Variants in KIRREL2 observed in about 807,000 individuals in gnomAD.
KIRREL2 encodes the protein kirre like nephrin family adhesion molecule 2.
Under a neutral mutation model 73.4 loss-of-function variants are expected in KIRREL2, and 56 were observed. The observed-to-expected ratio is 0.76, with a 90% CI of 0.62 to 0.95. The LOEUF is 0.95. Ranked by LOEUF, KIRREL2 falls within the 40% of genes least tolerant of loss-of-function variation. The pLI is 0.00. For synonymous variants in KIRREL2, 407 were observed against 404.0 expected, an observed-to-expected ratio of 1.01 and a Z score of -0.09; for missense variants, 896 against 935.0, an observed-to-expected ratio of 0.96 and a Z score of 0.54.
Position 35,866,537 on chromosome 19 carries a change from T to C in KIRREL2, c.*45T>C. On this transcript the variant is annotated 3_prime_UTR_variant, in exon 15 of 15. Transcript: ENST00000360202. The stretch of plus-strand genomic sequence containing the variant: ...TCCTGGGATCTCCAACTTGCCATAA[T>C]GGATTGTTCTGATTTCTGAGGAGCC... 2 of 1,612,638 alleles carry C rather than the reference T, an allele frequency of 1.2e-6. No individual in the cohort carries two copies. The highest frequency in any genetic ancestry group is 1.7e-6 in the Non-Finnish European group (2 of 1,179,588).
Position 35,858,688 on chromosome 19 carries a change from C to T in KIRREL2, c.362-16C>T. 1 of 1,613,572 alleles carries T rather than the reference C, an allele frequency of 6.2e-7. No individual in the cohort carries two copies. The highest frequency in any genetic ancestry group is 8.5e-7 in the Non-Finnish European group (1 of 1,179,800). On this transcript the variant is annotated splice_polypyrimidine_tract_variant and intron_variant, in intron 3 of 14. Coordinates refer to ENST00000360202, the MANE Select transcript of KIRREL2 (RefSeq NM_199180.4). Reference sequence around the variant, plus strand: ...GAAGATCAGGATCCATCTCTGACCCCAAATCCACCTTGCAGTCCCCCCAGA... The same window carrying T: ...GAAGATCAGGATCCATCTCTGACCCTAAATCCACCTTGCAGTCCCCCCAGA...
upstream of KIRREL2, among the ~76,000 whole-genome samples, chr19:35,855,615 C>T (rs952720618): frequency 1.7e-4 from 26 of 149,064 alleles, no homozygotes; most frequent in African/African-American, 5.9e-4. Context: ...ATTTGGGCCT[C>T]TGATCCTCCT....
At chr19:35,852,091 T>C (rs1973283111), upstream of KIRREL2, among the ~76,000 whole-genome samples, 1 of 145,598 alleles carries the variant, frequency 6.9e-6, no homozygotes, top group Non-Finnish European at 1.5e-5. Flanking sequence ...TTTTTCTTTT[T>C]TTTTTCTTTT....
At position 35,859,782 on chromosome 19, in the gene KIRREL2, C is replaced by T. The variant is rs982679086; in HGVS notation, c.673+151C>T. 8 of 901,716 alleles carry T rather than the reference C, an allele frequency of 8.9e-6. 1 individual carries two copies. The highest frequency in any genetic ancestry group is 7.2e-5 in the South Asian group (4 of 55,554). The allele number at this position is 901,716 out of a possible 1,614,324, so 55.9% of individuals were successfully genotyped here. ...GGAGAGGGCTGGGTATGGTAGCTCA[C>T]GCCTGTACTCACAGAACTTTGGGAG... On this transcript the variant is annotated intron_variant, in intron 5 of 14. Transcript: ENST00000360202.
At chr19:35,863,262 A>C (rs1240181382) in intron 13 of KIRREL2, among the ~76,000 whole-genome samples, 2 of 152,210 alleles carry the variant, frequency 1.3e-5, no homozygotes, top group Admixed American at 6.5e-5. Flanking sequence ...ACAAACTAAA[A>C]TAAAATAAAA....
chr19:35,853,400 G>T (rs8106732), upstream of KIRREL2, among the ~76,000 whole-genome samples: 13,356 of 152,228 alleles, frequency 0.088, 1,144 homozygotes, highest in African/African-American at 0.23. Flanking sequence ...GCGCCCTTTG[G>T]CAAGGACTGC....
Position 35,858,859 on chromosome 19 carries a change from C to T in KIRREL2, c.517C>T (p.His173Tyr). Residue 173 changes from histidine (H) to tyrosine (Y), a missense_variant, in exon 4 of 15, where the codon CAT (histidine) becomes TAT (tyrosine). Physicochemically the swap from His to Tyr is moderately conservative, Grantham distance 83 (BLOSUM62 2). Coordinates refer to ENST00000360202, the MANE Select transcript of KIRREL2 (RefSeq NM_199180.4). ...GGTCCTGTTGGATGGAGCCACCTTC[C>T]ATCAGGTCAGGTCCAAATTCCTGTG... ...DGVLLDGATF[H>Y]QTLLKEGTPG... 1 of 1,614,144 alleles carries T rather than the reference C, an allele frequency of 6.2e-7. No individual in the cohort carries two copies. Among genetic ancestry groups the T allele is most frequent in the Non-Finnish European group, 8.5e-7 (1 of 1,180,008 alleles).
upstream of KIRREL2, among the ~76,000 whole-genome samples, chr19:35,855,032 C>T (rs1268326430): frequency 3.3e-5 from 5 of 152,166 alleles, no homozygotes; most frequent in Non-Finnish European, 7.3e-5. Flanking sequence ...CCCTACCTCC[C>T]CAAGACCCCC....
In KIRREL2 at chr19:35,857,398, G is replaced by A; in HGVS notation, c.115G>A (p.Glu39Lys). ...AGAGGACCTGGTGGTGCTGCTGGGG[G>A]AGGAAGCCCGGCTGCCGTGTGCTCT... ...QPEDLVVLLGEEARLPCALGA... is the reference protein window; with the variant it reads ...QPEDLVVLLGKEARLPCALGA... Residue 39 changes from glutamate (E) to lysine (K), a missense_variant, in exon 2 of 15, where the codon GAG (glutamate) becomes AAG (lysine). Glu to Lys is a moderately conservative substitution (Grantham distance 56, BLOSUM62 1). Transcript: ENST00000360202. The A allele has an allele frequency of 3.1e-6, 5 of 1,613,054 alleles. No homozygotes were observed. Among genetic ancestry groups the A allele is most frequent in the South Asian group, 1.1e-5 (1 of 91,032 alleles).
upstream of KIRREL2, among the ~76,000 whole-genome samples, chr19:35,854,759 G>C (rs2146840728): frequency 7.3e-6 from 1 of 137,446 alleles, no homozygotes; most frequent in South Asian, 2.3e-4. Flanking sequence ...CTCTGTCTCT[G>C]TTCTCACCTC....
chr19:35,851,847 C>T (rs900693869), upstream of KIRREL2: 5 of 1,550,320 alleles, frequency 3.2e-6, no homozygotes, highest in African/African-American at 5.5e-5. Context: ...TCACAGGTCC[C>T]CCTACTGTGA....
chr19:35,862,820 C>T, intron 12 of KIRREL2, 107 bp from the exon 13 acceptor site: 5 of 748,248 alleles, frequency 6.7e-6, no homozygotes, highest in Non-Finnish European at 1.1e-5. Flanking sequence ...TCCAACAGCC[C>T]TACCCAATCA....
chr19:35,853,694 C>T (rs577424281), upstream of KIRREL2, among the ~76,000 whole-genome samples: 3 of 151,150 alleles, frequency 2.0e-5, no homozygotes, highest in Non-Finnish European at 4.4e-5. Context: ...TTTGTAGAGA[C>T]AGGGTCTTTC....
chr19:35,866,013 C>A, intron 14 of KIRREL2, 144 bp from the exon 15 acceptor site: 2 of 738,766 alleles, frequency 2.7e-6, no homozygotes, highest in East Asian at 2.5e-5. Context: ...CTCTCCCAGT[C>A]CATGTGTGTC....
At chr19:35,858,891 T>C (rs752261166) in intron 4 of KIRREL2, 27 bp downstream of exon 4, 39 of 1,611,494 alleles carry the variant, frequency 2.4e-5, no homozygotes, top group Non-Finnish European at 3.2e-5. Flanking sequence ...TGTGCTAGCC[T>C]TTGCCCATTG....
In KIRREL2 at chr19:35,861,629, C is replaced by T. The variant is rs866975456; in HGVS notation, c.1278C>T (p.Ala426=). The stretch of plus-strand genomic sequence containing the variant: ...AGTGTCTGGTTTTCGCCTCTCCCGC[C>T]CCAGATGCCGTGGTAAGGAAATGTC... The part of the protein sequence containing the change: ...RLQCLVFASP[A]PDAVVWSWDE... The change falls in exon 10 of 15, where the codon GCC becomes GCT. Residue 426 remains alanine (A), a synonymous_variant. Transcript: ENST00000360202. 21 of 1,613,018 alleles carry T rather than the reference C, an allele frequency of 1.3e-5. No homozygotes were observed. The Admixed American group carries it at 2.7e-4, about 21-fold the overall frequency.
rs1029220221 is a variant in KIRREL2, at chr19:35,858,922, C to G, written c.522+58C>G. ...CATTGAGGGAAACTTGGGTTACACT[C>G]TGACCACAGGCTCATCCAGAAGAGA... On this transcript the variant is annotated intron_variant, in intron 4 of 14. Coordinates refer to ENST00000360202, the MANE Select transcript of KIRREL2 (RefSeq NM_199180.4). 5.1e-6 allele frequency: 8 copies of G among 1,574,568 alleles called. No homozygotes were observed. The African/African-American group carries it at 9.5e-5, about 19-fold the overall frequency.
upstream of KIRREL2, chr19:35,851,787 C>T: frequency 6.4e-7 from 1 of 1,553,470 alleles, no homozygotes; most frequent in South Asian, 1.2e-5. Context: ...CACCTTCAGT[C>T]AGCAGCCCCA....
In KIRREL2 at chr19:35,859,682, G is replaced by C. The variant is rs1483607432; in HGVS notation, c.673+51G>C. The C allele has an allele frequency of 5.0e-6, 8 of 1,599,656 alleles. No homozygotes were observed. The East Asian group carries it at 1.8e-4, about 36-fold the overall frequency. On this transcript the variant is annotated intron_variant, in intron 5 of 14. Transcript: ENST00000360202. ...AGGGGTGTGGGGCCCTGACTCCTGGGTATGAGGAAGGAGGGGACTGTGGCC... is the reference window on the plus strand; with the variant it reads ...AGGGGTGTGGGGCCCTGACTCCTGGCTATGAGGAAGGAGGGGACTGTGGCC...
Sources: gnomAD v4.1 joint callset for allele counts (sites outside exome capture counted in the v4.1 genomes callset) on GRCh38, gnomAD v4.1.1 for gene constraint, MANE v1.5 for transcripts, NCBI Gene and HGNC (gene_info 2026-07-23, HGNC 2026-07-21) for gene names.